NAV2: variants seen among roughly 807,000 people sequenced by gnomAD.
NAV2 encodes the protein neuron navigator 2.
Under a neutral mutation model 223.2 loss-of-function variants are expected in NAV2, and 54 were observed. The ratio of observed to expected loss-of-function variants is 0.24; its 90% CI spans 0.19 to 0.30. The LOEUF is 0.30. NAV2 is among the 10% of genes least tolerant of loss of function. NAV2 has a pLI of 1.00. For missense variants in NAV2, 2,806 were observed against 3,147.5 expected, an observed-to-expected ratio of 0.89 and a Z score of 2.60; for synonymous variants, 1,279 against 1,239.3, an observed-to-expected ratio of 1.03 and a Z score of -0.67.
chr11:19,386,673 T>A (rs1022782098), intron 1 of NAV2, among the ~76,000 whole-genome samples: 2 of 146,776 alleles, frequency 1.4e-5, no homozygotes, highest in Non-Finnish European at 3.0e-5. Context: ...GTCAATAACT[T>A]TGACCTTGGT....
At chr11:19,434,849 C>T (rs1311920823) in intron 1 of NAV2, among the ~76,000 whole-genome samples, 5 of 129,252 alleles carry the variant, frequency 3.9e-5, no homozygotes, top group African/African-American at 5.7e-5. Context: ...AAGGTTGTGG[C>T]TTTTTTTTTT....
intron 6 of NAV2, among the ~76,000 whole-genome samples, chr11:19,926,123 A>G (rs1452762329): frequency 6.6e-6 from 1 of 152,236 alleles, no homozygotes; most frequent in Non-Finnish European, 1.5e-5. Context: ...AAAGAAAGTC[A>G]CTGGAATTTT....
intron 1 of NAV2, among the ~76,000 whole-genome samples, chr11:19,639,416 T>G (rs1005665628): frequency 1.3e-5 from 2 of 152,240 alleles, no homozygotes; most frequent in Non-Finnish European, 2.9e-5. Context: ...TCACCATAAC[T>G]ATTTTTAAGT....
At chr11:19,866,292 C>T (rs563840423) in intron 3 of NAV2, among the ~76,000 whole-genome samples, 6 of 152,170 alleles carry the variant, frequency 3.9e-5, no homozygotes, top group Admixed American at 2.0e-4. Context: ...CCATAAGATG[C>T]GAGTAGTACC....
chr11:19,498,227 TC>T lies in NAV2; in HGVS notation c.75+147201del, dbSNP rs560321628. On this transcript the variant is annotated intron_variant, in intron 1 of 37. Transcript: ENST00000360655. ...AACAGATCTAGGCAGCACCCCCTGA[TC>T]TTATTACACGTGGGCCACTGATGTG... Among the ~76,000 whole-genome samples the T allele has an allele frequency of 5.2e-3, 787 of 152,294 alleles. 3 individuals carry two copies. The highest frequency in any genetic ancestry group is 0.018 in the African/African-American group (761 of 41,564).
At chr11:19,470,055 C>T (rs756623540) in intron 1 of NAV2, among the ~76,000 whole-genome samples, 1 of 152,230 alleles carries the variant, frequency 6.6e-6, no homozygotes, top group Non-Finnish European at 1.5e-5. Flanking sequence ...AGACTCCCTG[C>T]TCCACTGGGG....
chr11:19,546,128 C>A (rs995045240), intron 1 of NAV2, among the ~76,000 whole-genome samples: 1 of 152,222 alleles, frequency 6.6e-6, no homozygotes, highest in South Asian at 2.1e-4. Context: ...GAAACCACAC[C>A]AAACTGTGCT....
intron 11 of NAV2, among the ~76,000 whole-genome samples, chr11:19,990,049 A>G (rs2051174807): frequency 1.3e-5 from 2 of 152,200 alleles, no homozygotes; most frequent in Non-Finnish European, 2.9e-5. Flanking sequence ...ATTAAGAGGA[A>G]AAAGGGAATA....
In NAV2 at chr11:20,049,009, G is replaced by A. The variant is rs1454265849; in HGVS notation, c.4184G>A (p.Ser1395Asn). The A allele has an allele frequency of 4.3e-6, 7 of 1,614,044 alleles. No individual in the cohort carries two copies. In the Admixed American group the frequency reaches 1.0e-4, roughly 23 times the overall value. Residue 1395 changes from serine to asparagine, a missense_variant, in exon 15 of 38, where the codon AGC becomes AAC. Coordinates refer to ENST00000349880, the MANE Select transcript of NAV2 (RefSeq NM_145117.5). ...AACGCCAGCAGCTCCTCCGCAGTTA[G>A]CAAGGATGGCCTGGGCTTTCAGTCT... The part of the protein sequence containing the change: ...GTNASSSSAV[S>N]KDGLGFQSVS...
chr11:19,505,485 A>T (rs1399956150), intron 1 of NAV2: 1 of 152,222 alleles, frequency 6.6e-6, no homozygotes, highest in Non-Finnish European at 1.5e-5. Context: ...AGAGGGAGAG[A>T]TTCATTGGGT....
chr11:19,828,075 C>T (rs2059738585), intron 1 of NAV2, among the ~76,000 whole-genome samples: 1 of 152,174 alleles, frequency 6.6e-6, no homozygotes. Context: ...GTCAGGGAAG[C>T]TGGCTGAGTT....
At chr11:19,689,748 C>T (rs186817247) in intron 1 of NAV2, among the ~76,000 whole-genome samples, 4 of 152,316 alleles carry the variant, frequency 2.6e-5, no homozygotes, top group Admixed American at 1.3e-4. Context: ...TGGCATCAGC[C>T]TTGCCAAAGC....
chr11:19,968,297 AG>A (rs1467470550), intron 10 of NAV2, among the ~76,000 whole-genome samples: 1 of 152,152 alleles, frequency 6.6e-6, no homozygotes, highest in African/African-American at 2.4e-5. Flanking sequence ...CCTGGGTTCA[AG>A]CTCCTGGATT....
chr11:20,107,663 G>T lies in NAV2; in HGVS notation c.6842-1G>T. The T allele has an allele frequency of 6.2e-7, 1 of 1,613,240 alleles. No individual in the cohort carries two copies. Among genetic ancestry groups the T allele is most frequent in the Non-Finnish European group, 8.5e-7 (1 of 1,179,216 alleles). On this transcript the variant is annotated splice_acceptor_variant, in intron 35 of 37. Coordinates refer to ENST00000349880, the MANE Select transcript of NAV2 (RefSeq NM_145117.5). LOFTEE classifies it high-confidence loss of function. Reference sequence around the variant, plus strand: ...TAATGTATTTTCACTGTGGTCTCCAGGCCCCCGGCTCTTCCTGTCATGCCC... The same window carrying T: ...TAATGTATTTTCACTGTGGTCTCCATGCCCCCGGCTCTTCCTGTCATGCCC...
chr11:19,714,956 A>G (rs1382406728), intron 1 of NAV2, among the ~76,000 whole-genome samples: 1 of 152,012 alleles, frequency 6.6e-6, no homozygotes, highest in Non-Finnish European at 1.5e-5. Context: ...CGGTTAGGAG[A>G]GGCGGGAAGC....
intron 6 of NAV2, among the ~76,000 whole-genome samples, chr11:19,894,520 T>C (rs1367910540): frequency 6.6e-6 from 1 of 152,190 alleles, no homozygotes; most frequent in Non-Finnish European, 1.5e-5. Flanking sequence ...TTAACAGGTA[T>C]AGAAGTATAC....
At chr11:19,550,177 G>T (rs78029243) in intron 1 of NAV2, among the ~76,000 whole-genome samples, 2 of 151,968 alleles carry the variant, frequency 1.3e-5, no homozygotes, top group Non-Finnish European at 2.9e-5. Context: ...GTCTAGAAAC[G>T]AAAAAGGGAA....
At chr11:19,658,999 G>T (rs907221967) in intron 1 of NAV2, among the ~76,000 whole-genome samples, 4 of 152,248 alleles carry the variant, frequency 2.6e-5, no homozygotes, top group African/African-American at 4.8e-5. Context: ...GCTAAAGGAT[G>T]CTCTGTCTTT....
chr11:19,434,211 C>T (rs1564932976), intron 1 of NAV2, among the ~76,000 whole-genome samples: 2 of 152,046 alleles, frequency 1.3e-5, no homozygotes, highest in Non-Finnish European at 2.9e-5. Flanking sequence ...ATGGATACTA[C>T]AAATTTATCC....
Sources: allele counts gnomAD v4.1 joint callset (sites outside exome capture counted in the v4.1 genomes callset), GRCh38; gene constraint gnomAD v4.1.1; transcripts MANE v1.5; gene names NCBI Gene and HGNC (gene_info 2026-07-23, HGNC 2026-07-21).